Variants in IPO5 observed in about 807,000 individuals in gnomAD.
IPO5 encodes the protein importin-5.
A neutral mutation model predicts 143.3 loss-of-function variants in IPO5; 18 were observed. The ratio of observed to expected loss-of-function variants is 0.13; its 90% CI spans 0.09 to 0.19. The LOEUF (loss-of-function observed/expected upper bound fraction) is 0.19. Ranked by LOEUF, IPO5 falls within the 10% of genes least tolerant of loss-of-function variation. The pLI is 1.00. For synonymous variants in IPO5, 477 were observed against 465.7 expected (o/e 1.02, Z -0.31); for missense variants, 1,013 against 1,336.9 (o/e 0.76, Z 3.78).
At chr13:98,017,928 A>G (rs1890236220) in intron 25 of IPO5, among the ~76,000 whole-genome samples, 1 of 152,018 alleles carries the variant, frequency 6.6e-6, no homozygotes. Flanking sequence ...TGGCCTCCTA[A>G]AGTGCTGGGA....
At chr13:97,976,637 C>A in intron 3 of IPO5, 56 bp from the exon 4 acceptor site, 1 of 829,584 alleles carries the variant, frequency 1.2e-6, no homozygotes, top group Non-Finnish European at 1.7e-6. Context: ...CTCCCGCGGC[C>A]CGCGAGCGCG....
chr13:98,015,375 G>GCTGT (rs1890056890), intron 22 of IPO5, among the ~76,000 whole-genome samples, 155 bp from the exon 23 acceptor site: 1 of 151,958 alleles, frequency 6.6e-6, no homozygotes, highest in African/African-American at 2.4e-5. Flanking sequence ...TCTCTAAAAT[G>GCTGT]CTGTCATTCT....
intron 2 of IPO5, among the ~76,000 whole-genome samples, chr13:97,964,443 CTT>C (rs369952371): frequency 7.2e-4 from 78 of 108,226 alleles, no homozygotes; most frequent in Non-Finnish European, 3.7e-4. Context: ...CCATTTCTTT[CTT>C]TTTTTTTTTT....
rs774163985 is a variant in IPO5 at position 98,021,792 on chromosome 13, C to T, written c.3264C>T (p.Ala1088=). 1.9e-5 allele frequency: 30 copies of T among 1,605,814 alleles called. No individual in the cohort carries two copies. Among genetic ancestry groups the T allele is most frequent in the Admixed American group, 3.3e-5 (2 of 59,902 alleles). ...CACAGCTCAGTCCTGAGCAGCAGGC[C>T]GCCATTCAGGAGCTCCTGAACTCTG... ...CIAQLSPEQQ[A]AIQELLNSA The change falls in exon 29 of 29, where the codon GCC becomes GCT. Residue 1088 remains alanine, a synonymous_variant. Transcript: ENST00000651721.
intron 3 of IPO5, among the ~76,000 whole-genome samples, chr13:97,970,743 C>G (rs577921342): frequency 6.6e-6 from 1 of 152,218 alleles, no homozygotes; most frequent in Non-Finnish European, 1.5e-5. Flanking sequence ...CAGAAATAGC[C>G]TTTAATAGCT....
At position 97,985,461 on chromosome 13, in the gene IPO5, C is replaced by A. The variant is rs1331879238; in HGVS notation, c.212C>A (p.Ser71Tyr). 1 of 1,614,124 alleles carries A rather than the reference C, an allele frequency of 6.2e-7. No individual in the cohort carries two copies. Among genetic ancestry groups the A allele is most frequent in the Non-Finnish European group, 8.5e-7 (1 of 1,180,012 alleles). ...MAAVLLRRLL[S>Y]SAFDEVYPAL... is the part of the protein sequence containing the mutation. ...GCCGTTCTCCTAAGACGTCTCTTGT[C>A]CTCTGCATTTGATGAAGTCTATCCA... Residue 71 changes from serine (S) to tyrosine (Y), a missense_variant, in exon 6 of 29, where the codon TCC becomes TAC. Ser to Tyr is a moderately radical substitution (Grantham distance 144, BLOSUM62 -2). Around this residue, in one of 2 missense-constraint regions of IPO5, gnomAD observed 328 missense variants for 342.0 expected, o/e 0.96. Coordinates refer to ENST00000651721, the MANE Select transcript of IPO5 (RefSeq NM_002271.6).
chr13:97,962,736 T>G (rs996840552), intron 2 of IPO5, among the ~76,000 whole-genome samples: 6 of 151,876 alleles, frequency 4.0e-5, no homozygotes, highest in African/African-American at 1.5e-4. Context: ...CAAGAATCAC[T>G]TGAGCCTGGG....
At chr13:97,976,824 C>G in intron 4 of IPO5, 38 bp downstream of exon 4, 1 of 981,234 alleles carries the variant, frequency 1.0e-6, no homozygotes, top group Non-Finnish European at 1.4e-6. Flanking sequence ...GCGCCCTGGC[C>G]GGCGCGCCGA....
At chr13:97,959,767 C>A (rs903991845) in intron 2 of IPO5, among the ~76,000 whole-genome samples, 1 of 151,990 alleles carries the variant, frequency 6.6e-6, no homozygotes, top group Non-Finnish European at 1.5e-5. Flanking sequence ...TAGGGTATGA[C>A]CCCACTCCAA....
At chr13:97,977,657 A>G (rs563516372) in intron 4 of IPO5, among the ~76,000 whole-genome samples, 1 of 152,286 alleles carries the variant, frequency 6.6e-6, no homozygotes, top group Admixed American at 6.5e-5. Flanking sequence ...TTCAAGTGAC[A>G]GTATTTTAAA....
intron 2 of IPO5, among the ~76,000 whole-genome samples, chr13:97,964,892 G>A (rs141287742): frequency 3.3e-5 from 5 of 152,240 alleles, no homozygotes; most frequent in East Asian, 3.9e-4. Context: ...ACATGCACAC[G>A]TATGTTTATT....
intron 3 of IPO5, among the ~76,000 whole-genome samples, chr13:97,974,980 G>T (rs1008042519): frequency 6.6e-6 from 1 of 152,114 alleles, no homozygotes; most frequent in African/African-American, 2.4e-5. Flanking sequence ...TAAACACAGT[G>T]GCCAAGATTT....
intron 11 of IPO5, among the ~76,000 whole-genome samples, chr13:97,994,026 G>T (rs1888022495): frequency 6.6e-6 from 1 of 152,320 alleles, no homozygotes; most frequent in South Asian, 2.1e-4. Context: ...AGAAACAATG[G>T]CTGGGTGCAG....
chr13:97,994,538 T>C (rs1308128993), intron 11 of IPO5, among the ~76,000 whole-genome samples: 1 of 152,304 alleles, frequency 6.6e-6, no homozygotes, highest in Non-Finnish European at 1.5e-5. Flanking sequence ...GTACAAGACA[T>C]ATGGGAAAGT....
At chr13:97,995,712 G>A (rs1026205209) in intron 11 of IPO5, among the ~76,000 whole-genome samples, 3 of 151,946 alleles carry the variant, frequency 2.0e-5, no homozygotes, top group Non-Finnish European at 2.9e-5. Context: ...CCGAGATACC[G>A]CCACTGCACT....
At chr13:97,997,944 G>A (rs1310703310) in intron 12 of IPO5, among the ~76,000 whole-genome samples, 1 of 152,150 alleles carries the variant, frequency 6.6e-6, no homozygotes, top group Non-Finnish European at 1.5e-5. Flanking sequence ...TTAAAAAAAA[G>A]TATGACATGA....
intron 2 of IPO5, among the ~76,000 whole-genome samples, chr13:97,955,987 C>T (rs966484591): frequency 1.1e-4 from 16 of 151,946 alleles, no homozygotes; most frequent in African/African-American, 2.9e-4. Flanking sequence ...AAAAAATTAG[C>T]CGGGCGTGGT....
At position 98,008,037 on chromosome 13, in the gene IPO5, G is replaced by A. The variant is rs749989305; in HGVS notation, c.1717-22G>A. ...AACAAAATTCGGTATCAACAAGTGTGTCTCTACATATTTTCCTCTAGTTCA... is the reference window on the plus strand; with the variant it reads ...AACAAAATTCGGTATCAACAAGTGTATCTCTACATATTTTCCTCTAGTTCA... On this transcript the variant is annotated intron_variant, in intron 17 of 28. Coordinates refer to ENST00000651721, the MANE Select transcript of IPO5 (RefSeq NM_002271.6). The A allele has an allele frequency of 2.1e-5, 31 of 1,510,882 alleles. No homozygotes were observed. In the East Asian group the frequency reaches 6.1e-4, roughly 30 times the overall value. The allele number at this position is 1,510,882 out of a possible 1,614,324, so 93.6% of individuals were successfully genotyped here.
intron 25 of IPO5, 45 bp downstream of exon 25, chr13:98,016,896 G>T: frequency 7.1e-7 from 1 of 1,403,102 alleles, no homozygotes; most frequent in East Asian, 2.7e-5. Flanking sequence ...AGTTTACCTG[G>T]AATTCTTTTC....
Sources: gnomAD v4.1 joint callset for allele counts (sites outside exome capture counted in the v4.1 genomes callset) on GRCh38, gnomAD v4.1.1 for gene constraint, gnomAD v4.1.1 regional missense constraint, MANE v1.5 for transcripts, NCBI Gene and HGNC (gene_info 2026-07-23, HGNC 2026-07-21) for gene names.